PDE4B: variants seen among roughly 807,000 people sequenced by gnomAD.
PDE4B encodes the protein 3',5'-cyclic-AMP phosphodiesterase 4B.
In PDE4B, 20 loss-of-function variants were observed where a neutral mutation model predicts 82.2. The observed-to-expected ratio is 0.24, with a 90% confidence interval of 0.17 to 0.35. PDE4B has a LOEUF of 0.35. Among genes scored for constraint, PDE4B ranks in the 10% least tolerant of loss-of-function variants. PDE4B has a pLI of 1.00. For missense variants in PDE4B, 655 were observed against 907.2 expected, an observed-to-expected ratio of 0.72 and a Z score of 3.57; for synonymous variants, 320 against 318.9, an observed-to-expected ratio of 1.00 and a Z score of -0.04.
chr1:66,336,593 G>T (rs972417732), intron 8 of PDE4B, among the ~76,000 whole-genome samples: 1 of 152,150 alleles, frequency 6.6e-6, no homozygotes, highest in Non-Finnish European at 1.5e-5. Context: ...ACAAAGGTTG[G>T]GTGCTGCTGG....
At chr1:65,828,663 G>A (rs2101281478) in intron 1 of PDE4B, among the ~76,000 whole-genome samples, 1 of 152,198 alleles carries the variant, frequency 6.6e-6, no homozygotes, top group East Asian at 1.9e-4. Context: ...TACAAGAGAT[G>A]GGAGGGAGGA....
At chr1:65,914,744 A>G (rs985106566) in intron 2 of PDE4B, among the ~76,000 whole-genome samples, 1 of 152,156 alleles carries the variant, frequency 6.6e-6, no homozygotes, top group Non-Finnish European at 1.5e-5. Context: ...TTGCATCCTT[A>G]GAATAATAAT....
chr1:66,021,369 T>A (rs1295147601), intron 3 of PDE4B, among the ~76,000 whole-genome samples: 1 of 152,240 alleles, frequency 6.6e-6, no homozygotes, highest in South Asian at 2.1e-4. Context: ...GCTTTTGGTG[T>A]TTTAGTCATG....
At chr1:66,046,947 G>T (rs992932370) in intron 3 of PDE4B, among the ~76,000 whole-genome samples, 11 of 151,784 alleles carry the variant, frequency 7.2e-5, no homozygotes, top group Non-Finnish European at 1.3e-4. Context: ...ACTTTAATTA[G>T]ATTTTTATCT....
intron 4 of PDE4B, among the ~76,000 whole-genome samples, chr1:66,248,015 C>T (rs1000766405): frequency 6.6e-6 from 1 of 152,204 alleles, no homozygotes; most frequent in African/African-American, 2.4e-5. Context: ...GTGCAGTTTT[C>T]ATGAGGCTCC....
intron 1 of PDE4B, among the ~76,000 whole-genome samples, chr1:65,907,588 C>A (rs4348694): frequency 0.16 from 24,641 of 152,032 alleles, 2,306 homozygotes; most frequent in Middle Eastern, 0.3. Flanking sequence ...ACCAGAAAAC[C>A]TTCTTTTTCT....
intron 3 of PDE4B, among the ~76,000 whole-genome samples, chr1:66,197,707 A>G (rs1388736347): frequency 1.3e-5 from 2 of 152,156 alleles, no homozygotes; most frequent in Non-Finnish European, 2.9e-5. Flanking sequence ...CTCCTCAAAG[A>G]TGAAAATAAA....
At chr1:65,962,125 C>A (rs1649573732) in intron 3 of PDE4B, among the ~76,000 whole-genome samples, 1 of 152,176 alleles carries the variant, frequency 6.6e-6, no homozygotes, top group Admixed American at 6.5e-5. Context: ...TGGGCAAAAT[C>A]ATCTACCACA....
At chr1:65,888,230 C>T (rs1276635902) in intron 1 of PDE4B, among the ~76,000 whole-genome samples, 2 of 152,168 alleles carry the variant, frequency 1.3e-5, no homozygotes, top group East Asian at 3.9e-4. Context: ...TATATTCTTG[C>T]TTCCTTTGTC....
chr1:66,228,994 G>A (rs2101626497), intron 3 of PDE4B, among the ~76,000 whole-genome samples: 1 of 147,030 alleles, frequency 6.8e-6, no homozygotes. Flanking sequence ...CTAATATTGG[G>A]GAAGGAACAT....
intron 3 of PDE4B, among the ~76,000 whole-genome samples, chr1:66,141,490 T>G (rs969301721): frequency 5.3e-5 from 8 of 151,896 alleles, no homozygotes; most frequent in African/African-American, 1.4e-4. Context: ...ACTTTTGGCA[T>G]TTTCTCAGAT....
chr1:65,887,140 C>A, intron 1 of PDE4B, among the ~76,000 whole-genome samples: 1 of 135,894 alleles, frequency 7.4e-6, no homozygotes, highest in South Asian at 2.6e-4. Flanking sequence ...CTCCCTCTCT[C>A]CCTCCTTTCC....
chr1:65,889,845 T>A (rs1373462116), intron 1 of PDE4B, among the ~76,000 whole-genome samples: 1 of 152,136 alleles, frequency 6.6e-6, no homozygotes, highest in Non-Finnish European at 1.5e-5. Context: ...TACAATTTTG[T>A]TCCTATGGAA....
intron 1 of PDE4B, among the ~76,000 whole-genome samples, chr1:65,861,654 A>G (rs998843854): frequency 1.3e-5 from 2 of 152,108 alleles, no homozygotes; most frequent in African/African-American, 4.8e-5. Context: ...GGCCATTTTC[A>G]TGATATTGAT....
At chr1:65,923,172 A>C (rs1647313021) in intron 3 of PDE4B, among the ~76,000 whole-genome samples, 1 of 152,160 alleles carries the variant, frequency 6.6e-6, no homozygotes, top group Non-Finnish European at 1.5e-5. Context: ...CTGCAGCCTA[A>C]GTCATCTTCC....
At chr1:65,853,025 A>G (rs922339790) in intron 1 of PDE4B, among the ~76,000 whole-genome samples, 2 of 151,980 alleles carry the variant, frequency 1.3e-5, no homozygotes, top group Non-Finnish European at 2.9e-5. Flanking sequence ...TTTCCTTTTC[A>G]GTTCTGCCAG....
At chr1:65,939,316 A>G (rs918581273) in intron 3 of PDE4B, among the ~76,000 whole-genome samples, 4 of 152,060 alleles carry the variant, frequency 2.6e-5, no homozygotes, top group African/African-American at 7.2e-5. Flanking sequence ...TGCCCTTGAA[A>G]TGAAGAGGCA....
intron 3 of PDE4B, among the ~76,000 whole-genome samples, chr1:66,075,911 A>T (rs998382648): frequency 6.9e-5 from 3 of 43,318 alleles, no homozygotes; most frequent in Admixed American, 5.1e-4. Flanking sequence ...AAACAAAACA[A>T]AACAAAACAA....
At position 65,932,999 on chromosome 1, in the gene PDE4B, G is replaced by A. The variant is rs146648052; in HGVS notation, c.281+14164G>A. Reference sequence around the variant, plus strand: ...TGTGCACATTATAGGAGTTCTTGGAGGAGAGAGGAGAGAGAGAAAGAACCA... The same window carrying A: ...TGTGCACATTATAGGAGTTCTTGGAAGAGAGAGGAGAGAGAGAAAGAACCA... On this transcript the variant is annotated intron_variant, in intron 3 of 16. Transcript: ENST00000341517. Among the ~76,000 whole-genome samples the A allele has an allele frequency of 7.8e-4, 119 of 152,086 alleles. 1 individual carries two copies. The highest frequency in any genetic ancestry group is 2.8e-3 in the African/African-American group (115 of 41,488).
Sources: gnomAD v4.1 joint callset for allele counts (sites outside exome capture counted in the v4.1 genomes callset) on GRCh38, gnomAD v4.1.1 for gene constraint, MANE v1.5 for transcripts, NCBI Gene and HGNC (gene_info 2026-07-23, HGNC 2026-07-21) for gene names.